SLC35F3: variants seen among roughly 807,000 people sequenced by gnomAD.
SLC35F3 encodes putative thiamine transporter SLC35F3.
In SLC35F3, 25 loss-of-function variants were observed where a neutral mutation model predicts 49.9. The observed-to-expected ratio is 0.50, with a 90% CI of 0.37 to 0.70. The LOEUF is 0.70. Among genes scored for constraint, SLC35F3 ranks in the 30% least tolerant of loss-of-function variants. SLC35F3 has a pLI of 0.00. For missense variants in SLC35F3, 525 were observed against 639.8 expected (o/e 0.82, Z 1.94); for synonymous variants, 275 against 265.4 (o/e 1.04, Z -0.35).
chr1:234,247,030 G>A (rs1449519825), intron 3 of SLC35F3, among the ~76,000 whole-genome samples: 2 of 152,222 alleles, frequency 1.3e-5, no homozygotes, highest in East Asian at 3.8e-4. Flanking sequence ...TCAAGACCCA[G>A]TTACCAGTTC....
chr1:234,184,197 T>C (rs527543138), intron 2 of SLC35F3, among the ~76,000 whole-genome samples: 1 of 152,272 alleles, frequency 6.6e-6, no homozygotes, highest in East Asian at 1.9e-4. Context: ...TCATCAGTAG[T>C]TGGATTACTT....
At chr1:234,159,379 C>G (rs1057031938) in intron 2 of SLC35F3, among the ~76,000 whole-genome samples, 8 of 152,024 alleles carry the variant, frequency 5.3e-5, no homozygotes, top group African/African-American at 1.7e-4. Context: ...GAGTTTGAGA[C>G]CAGCCTGGCC....
chr1:234,321,490 T>C (rs1466635631), intron 7 of SLC35F3, among the ~76,000 whole-genome samples: 2 of 152,242 alleles, frequency 1.3e-5, no homozygotes, highest in Non-Finnish European at 2.9e-5. Flanking sequence ...GTCCAGATGC[T>C]GCAGGCTTCT....
intron 2 of SLC35F3, among the ~76,000 whole-genome samples, chr1:234,140,632 A>G (rs1262991280): frequency 6.6e-6 from 1 of 151,980 alleles, no homozygotes; most frequent in East Asian, 1.9e-4. Context: ...TCGGTAAATC[A>G]CACAAAAGTT....
At chr1:234,132,791 G>C (rs894390996) in intron 2 of SLC35F3, among the ~76,000 whole-genome samples, 9 of 152,222 alleles carry the variant, frequency 5.9e-5, no homozygotes, top group Non-Finnish European at 1.0e-4. Flanking sequence ...TTTTATTCAT[G>C]GTGGTTTATG....
intron 2 of SLC35F3, among the ~76,000 whole-genome samples, chr1:234,142,232 A>G (rs1665927344): frequency 6.6e-6 from 1 of 152,228 alleles, no homozygotes; most frequent in East Asian, 1.9e-4. Context: ...CATTTAAAGT[A>G]GGAACTGTTT....
At chr1:234,091,576 A>G (rs1289046009) in intron 2 of SLC35F3, among the ~76,000 whole-genome samples, 5 of 151,940 alleles carry the variant, frequency 3.3e-5, no homozygotes, top group African/African-American at 1.2e-4. Flanking sequence ...GAAGCAGTCA[A>G]GCCAAAAAGC....
At chr1:234,131,288 AAT>A (rs1453356321) in intron 2 of SLC35F3, among the ~76,000 whole-genome samples, 22 of 152,200 alleles carry the variant, frequency 1.4e-4, no homozygotes, top group African/African-American at 5.3e-4. Context: ...AAATATGGGA[AAT>A]AATTAAGTGA....
At chr1:234,179,996 G>A (rs544203930) in intron 2 of SLC35F3, among the ~76,000 whole-genome samples, 4 of 152,302 alleles carry the variant, frequency 2.6e-5, no homozygotes, top group African/African-American at 9.6e-5. Flanking sequence ...CAGCAGTTCA[G>A]CAGTATCACT....
intron 2 of SLC35F3, among the ~76,000 whole-genome samples, chr1:234,109,115 T>C (rs888041233): frequency 2.0e-5 from 3 of 151,592 alleles, no homozygotes; most frequent in Admixed American, 6.6e-5. Flanking sequence ...GGAGAGCTGC[T>C]GTGAGCAGTC....
intron 3 of SLC35F3, among the ~76,000 whole-genome samples, chr1:234,302,168 G>C (rs517451): frequency 7.3e-5 from 11 of 151,112 alleles, no homozygotes; most frequent in Non-Finnish European, 1.5e-4. Flanking sequence ...TGTTGTTGTT[G>C]TTTTTTTTAA....
chr1:234,199,648 C>T (rs7530954), intron 2 of SLC35F3, among the ~76,000 whole-genome samples: 33,608 of 152,062 alleles, frequency 0.22, 6,072 homozygotes, highest in East Asian at 0.88. Flanking sequence ...TATGGGATTA[C>T]ATCAACATAA....
chr1:233,983,555 T>C (rs1056220751), intron 2 of SLC35F3, among the ~76,000 whole-genome samples: 1 of 152,238 alleles, frequency 6.6e-6, no homozygotes, highest in Non-Finnish European at 1.5e-5. Flanking sequence ...TATCCTACCT[T>C]TTACAGATAG....
At position 234,111,610 on chromosome 1, in the gene SLC35F3, A is replaced by T. The variant is rs529066928; in HGVS notation, c.284-119807A>T. Among the ~76,000 whole-genome samples the T allele has an allele frequency of 2.0e-5, 3 of 152,210 alleles. No homozygotes were observed. In the South Asian group the frequency reaches 6.2e-4, roughly 32 times the overall value. ...GCCCGGTTGTCCTCTGTGCTTTCTG[A>T]AGACTCCGTGCTGAAGAGCCAGCAG... On this transcript the variant is annotated intron_variant, in intron 2 of 7. Coordinates refer to ENST00000366618, the MANE Select transcript of SLC35F3 (RefSeq NM_173508.4).
chr1:234,024,150 T>G (rs929219653), intron 2 of SLC35F3, among the ~76,000 whole-genome samples: 1 of 152,058 alleles, frequency 6.6e-6, no homozygotes, highest in Non-Finnish European at 1.5e-5. Context: ...GAGGGGTATA[T>G]AGGAACCCTT....
At position 234,262,668 on chromosome 1, in the gene SLC35F3, G is replaced by C. The variant is rs145729402; in HGVS notation, c.608+30927G>C. Among the ~76,000 whole-genome samples, 268 of 152,326 alleles carry C rather than the reference G, an allele frequency of 1.8e-3. 3 individuals are homozygous for C. The highest frequency in any genetic ancestry group is 6.2e-3 in the African/African-American group (256 of 41,576). Reference sequence around the variant, plus strand: ...AGCCTCTCTGGTGCCCATACTATCAGCCTGGATCCTGCAGGTAAGCTGCAA... The same window carrying C: ...AGCCTCTCTGGTGCCCATACTATCACCCTGGATCCTGCAGGTAAGCTGCAA... On this transcript the variant is annotated intron_variant, in intron 3 of 7. Transcript: ENST00000366618.
rs78801105 is a variant in SLC35F3 at position 234,225,439 on chromosome 1, C to T, written c.284-5978C>T. The stretch of plus-strand genomic sequence containing the variant: ...AAAGTTTTCATCAGACCCTGTCTTT[C>T]ATGCAGTCTAGGAAAAAGGGGCAGG... On this transcript the variant is annotated intron_variant, in intron 2 of 7. Coordinates refer to ENST00000366618, the MANE Select transcript of SLC35F3 (RefSeq NM_173508.4). Among the ~76,000 whole-genome samples the T allele has an allele frequency of 8.5e-4, 130 of 152,292 alleles. No individual in the cohort carries two copies. In the East Asian group the frequency reaches 0.022, roughly 26 times the overall value.
chr1:234,275,768 A>G (rs945651714), intron 3 of SLC35F3, among the ~76,000 whole-genome samples: 8 of 128,648 alleles, frequency 6.2e-5, no homozygotes, highest in Admixed American at 5.4e-4. Context: ...AAAAAAATAT[A>G]TATATATATA....
chr1:234,319,500 C>G (rs976054178), intron 6 of SLC35F3, among the ~76,000 whole-genome samples: 5 of 151,976 alleles, frequency 3.3e-5, no homozygotes, highest in Non-Finnish European at 5.9e-5. Context: ...CCCAGGAGTT[C>G]GAGACCAGCC....
Sources: allele counts gnomAD v4.1 joint callset (sites outside exome capture counted in the v4.1 genomes callset), GRCh38; gene constraint gnomAD v4.1.1; transcripts MANE v1.5; gene names NCBI Gene and HGNC (gene_info 2026-07-23, HGNC 2026-07-21).